VANGL2: variants seen among roughly 807,000 people sequenced by gnomAD.
VANGL2 encodes the protein VANGL planar cell polarity protein 2.
VANGL2 carries 14 observed loss-of-function variants against 50.2 expected under a neutral mutation model. The ratio of observed to expected loss-of-function variants is 0.28; its 90% CI spans 0.18 to 0.44. VANGL2 has a LOEUF of 0.44. Ranked by LOEUF, VANGL2 falls within the 20% of genes least tolerant of loss-of-function variation. The pLI, the probability that VANGL2 is intolerant of heterozygous loss-of-function variation, is 1.00. For synonymous variants in VANGL2, 295 were observed against 297.2 expected, an observed-to-expected ratio of 0.99 and a Z score of 0.08; for missense variants, 533 against 701.5, an observed-to-expected ratio of 0.76 and a Z score of 2.71.
intron 6 of VANGL2, among the ~76,000 whole-genome samples, 169 bp from the exon 7 acceptor site, chr1:160,423,881 GTT>G (rs1046938821): frequency 4.6e-5 from 7 of 152,138 alleles, no homozygotes; most frequent in Non-Finnish European, 7.3e-5. Flanking sequence ...CTCTGTGGCT[GTT>G]TACTGTTCCC....
Position 160,421,234 on chromosome 1 carries a change from T to C in VANGL2, c.1073+47T>C, listed in dbSNP as rs768290491. The C allele has an allele frequency of 1.9e-6, 3 of 1,608,450 alleles. No individual in the cohort carries two copies. The East Asian group carries it at 6.7e-5, about 36-fold the overall frequency. Reference sequence around the variant, plus strand: ...GGAGAGGAGGTGCTTGTTGGGTGAATGGGGAGAGGAAGACCAAGGAACTTC... The same window carrying C: ...GGAGAGGAGGTGCTTGTTGGGTGAACGGGGAGAGGAAGACCAAGGAACTTC... On this transcript the variant is annotated intron_variant, in intron 6 of 7. Transcript: ENST00000368061.
At chr1:160,403,147 CT>C (rs3835478) in intron 1 of VANGL2, among the ~76,000 whole-genome samples, 74,189 of 146,722 alleles carry the variant, frequency 0.51, 18,630 homozygotes, top group South Asian at 0.61. Flanking sequence ...TTTAAAAGAC[CT>C]TTTTTTTTTT....
intron 1 of VANGL2, among the ~76,000 whole-genome samples, chr1:160,401,510 T>C (rs1466932921): frequency 6.6e-6 from 1 of 152,034 alleles, no homozygotes; most frequent in Non-Finnish European, 1.5e-5. Flanking sequence ...GGCTCTGCGT[T>C]AGTGAGTTTT....
At chr1:160,416,482 G>A (rs947621483) in intron 3 of VANGL2, among the ~76,000 whole-genome samples, 17 of 152,178 alleles carry the variant, frequency 1.1e-4, no homozygotes, top group African/African-American at 4.1e-4. Context: ...CCGCCAGCCA[G>A]TCAGGCCCGC....
Position 160,415,863 on chromosome 1 carries a change from G to A in VANGL2, c.26G>A (p.Gly9Asp). Residue 9 changes from glycine to aspartate, a missense_variant, in exon 2 of 8, where the codon GGC becomes GAC. Gly to Asp is a moderately conservative substitution (Grantham distance 94). Transcript: ENST00000368061. ...ATGGACACCGAGTCCCAGTACTCGG[G>A]CTATTCCTACAAGTCGGGCCACTCC... is the stretch of plus-strand genomic sequence containing the variant. The part of the protein sequence containing the change: MDTESQYS[G>D]YSYKSGHSRS... 2 of 1,614,038 alleles carry A rather than the reference G, an allele frequency of 1.2e-6. No individual in the cohort carries two copies. Among genetic ancestry groups the A allele is most frequent in the South Asian group, 1.1e-5 (1 of 91,026 alleles).
chr1:160,421,533 C>T (rs1286205039), intron 6 of VANGL2, among the ~76,000 whole-genome samples: 1 of 152,174 alleles, frequency 6.6e-6, no homozygotes, highest in East Asian at 1.9e-4. Context: ...GCCCCATAGG[C>T]AGTTTACATG....
chr1:160,404,113 G>A (rs1030781653), intron 1 of VANGL2, among the ~76,000 whole-genome samples: 1 of 152,194 alleles, frequency 6.6e-6, no homozygotes, highest in African/African-American at 2.4e-5. Context: ...AGGGAGAGAG[G>A]TCGGAGTCGG....
rs1247705969 is a variant in VANGL2 at position 160,425,665 on chromosome 1, TC to T, written c.*288del. The T allele has an allele frequency of 5.4e-6, 2 of 372,048 alleles. No homozygotes were observed. Among genetic ancestry groups the T allele is most frequent in the East Asian group, 8.8e-5 (2 of 22,630 alleles). 23.0% of individuals were successfully genotyped at this position (372,048 alleles called of 1,614,324 possible). On this transcript the variant is annotated 3_prime_UTR_variant, in exon 8 of 8. Coordinates refer to ENST00000368061, the MANE Select transcript of VANGL2 (RefSeq NM_020335.3). ...CAGGAATCAGTGCCTCTCTCCCTCT[TC>T]TTTCCCTAGTCTTTTCCCAGATTAC...
chr1:160,421,352 C>T (rs954271636), intron 6 of VANGL2, among the ~76,000 whole-genome samples, 165 bp downstream of exon 6: 2 of 152,188 alleles, frequency 1.3e-5, no homozygotes, highest in African/African-American at 4.8e-5. Flanking sequence ...ATAAACTTAG[C>T]AGCTGTGAAA....
At chr1:160,403,912 G>C (rs1043762555) in intron 1 of VANGL2, among the ~76,000 whole-genome samples, 1 of 152,180 alleles carries the variant, frequency 6.6e-6, no homozygotes, top group Non-Finnish European at 1.5e-5. Context: ...CTTTGCCACT[G>C]TCTAATTCCG....
At chr1:160,423,010 AT>A (rs1427428950) in intron 6 of VANGL2, among the ~76,000 whole-genome samples, 1 of 151,198 alleles carries the variant, frequency 6.6e-6, no homozygotes, top group Non-Finnish European at 1.5e-5. Flanking sequence ...GGTTCAAGTA[AT>A]TTTCCTGCCT....
Position 160,424,093 on chromosome 1 carries a change from G to T in VANGL2, c.1115G>T (p.Arg372Leu). The stretch of plus-strand genomic sequence containing the variant: ...GAGGAGGCCTTCACTCACATTAAGC[G>T]GCTGCAGGAAGAGGAGCAGAAAAAC... ...AVEEAFTHIK[R>L]LQEEEQKNPR... The change falls in exon 7 of 8, where the codon CGG (arginine) becomes CTG (leucine). Residue 372 changes from arginine (R) to leucine (L), a missense_variant. By Grantham distance (102) the Arg-to-Leu change is moderately radical. Transcript: ENST00000368061. The T allele has an allele frequency of 6.2e-7, 1 of 1,614,048 alleles. No individual in the cohort carries two copies. Among genetic ancestry groups the T allele is most frequent in the Non-Finnish European group, 8.5e-7 (1 of 1,179,914 alleles).
Position 160,425,419 on chromosome 1 carries a change from TGAGGGGGTGG to T in VANGL2, c.*49_*58del. ...GGGAGTGGGAAACTCTGGGGGGTCC[TGAGGGGGTGG>T]GAGGGGGCTTGGTTCTCAGGCCCAG... is the stretch of plus-strand genomic sequence containing the variant. On this transcript the variant is annotated 3_prime_UTR_variant, in exon 8 of 8. Coordinates refer to ENST00000368061, the MANE Select transcript of VANGL2 (RefSeq NM_020335.3). 4.1e-6 allele frequency: 1 copy of T among 244,388 alleles called. No homozygotes were observed. The highest frequency in any genetic ancestry group is 5.7e-6 in the Non-Finnish European group (1 of 174,448). The allele number at this position is 244,388 out of a possible 1,614,324, so 15.1% of individuals were successfully genotyped here.
At chr1:160,421,528 A>G (rs1337638823) in intron 6 of VANGL2, among the ~76,000 whole-genome samples, 1 of 152,196 alleles carries the variant, frequency 6.6e-6, no homozygotes, top group African/African-American at 2.4e-5. Context: ...ACATAGCCCC[A>G]TAGGCAGTTT....
intron 1 of VANGL2, among the ~76,000 whole-genome samples, chr1:160,401,794 G>A (rs1402929301): frequency 2.6e-5 from 4 of 152,074 alleles, no homozygotes; most frequent in Non-Finnish European, 5.9e-5. Context: ...ACTGAGGAAG[G>A]TGGGTGTGTA....
intron 1 of VANGL2, among the ~76,000 whole-genome samples, chr1:160,405,538 A>G (rs1437823281): frequency 2.6e-5 from 4 of 152,068 alleles, no homozygotes; most frequent in Non-Finnish European, 5.9e-5. Context: ...ATTGGTAATT[A>G]TAGACATAAC....
At chr1:160,425,079 T>C in intron 7 of VANGL2, 39 bp from the exon 8 acceptor site, 1 of 1,613,914 alleles carries the variant, frequency 6.2e-7, no homozygotes, top group Non-Finnish European at 8.5e-7. Flanking sequence ...CGTGGGTAGA[T>C]GACAGAGATT....
chr1:160,408,807 T>C (rs952928874), intron 1 of VANGL2, among the ~76,000 whole-genome samples: 20 of 152,126 alleles, frequency 1.3e-4, no homozygotes, highest in Admixed American at 6.5e-5. Flanking sequence ...GGACAGCCTT[T>C]TTCAGGGTTT....
At chr1:160,411,551 C>A (rs1328045519) in intron 1 of VANGL2, among the ~76,000 whole-genome samples, 1 of 152,094 alleles carries the variant, frequency 6.6e-6, no homozygotes, top group African/African-American at 2.4e-5. Flanking sequence ...GGATTAGTTC[C>A]CTGGTGTACT....
Sources: allele counts gnomAD v4.1 joint callset (sites outside exome capture counted in the v4.1 genomes callset), GRCh38; gene constraint gnomAD v4.1.1; transcripts MANE v1.5; gene names NCBI Gene and HGNC (gene_info 2026-07-23, HGNC 2026-07-21).